ARFGEF3: variants seen among roughly 807,000 people sequenced by gnomAD.
ARFGEF3 encodes brefeldin A-inhibited guanine nucleotide-exchange protein 3.
In ARFGEF3, 96 loss-of-function variants were observed where a neutral mutation model predicts 221.7. The ratio of observed to expected loss-of-function variants is 0.43; its 90% confidence interval spans 0.37 to 0.51. The LOEUF (loss-of-function observed/expected upper bound fraction) is 0.51. Ranked by LOEUF, ARFGEF3 falls within the 20% of genes least tolerant of loss-of-function variation. ARFGEF3 has a pLI of 0.00. For synonymous variants in ARFGEF3, 1,145 were observed against 1,126.8 expected, an observed-to-expected ratio of 1.02 and a Z score of -0.32; for missense variants, 2,410 against 2,789.9, an observed-to-expected ratio of 0.86 and a Z score of 3.07.
At chr6:138,275,597 A>C (rs1779082163) in intron 12 of ARFGEF3, among the ~76,000 whole-genome samples, 1 of 152,020 alleles carries the variant, frequency 6.6e-6, no homozygotes, top group South Asian at 2.1e-4. Flanking sequence ...TACAAAAATT[A>C]GCTGCATGTG....
At chr6:138,328,445 T>G (rs1272104632) in intron 32 of ARFGEF3, among the ~76,000 whole-genome samples, 1 of 152,184 alleles carries the variant, frequency 6.6e-6, no homozygotes, top group Admixed American at 6.5e-5. Flanking sequence ...GAGGTCTATC[T>G]CCTTGACCTG....
chr6:138,339,526 A>G lies in ARFGEF3; in HGVS notation c.*3040A>G, dbSNP rs1014770906. On this transcript the variant is annotated 3_prime_UTR_variant, in exon 34 of 34. Coordinates refer to ENST00000251691, the MANE Select transcript of ARFGEF3 (RefSeq NM_020340.5). The stretch of plus-strand genomic sequence containing the variant: ...GTTGCCTGTATTTATAGCCAAAAGT[A>G]TATTACCTTAAAGTTGAGATCTTTC... 2.0e-5 allele frequency: 3 copies of G among 152,248 alleles called. No individual in the cohort carries two copies. Among genetic ancestry groups the G allele is most frequent in the Admixed American group, 1.3e-4 (2 of 15,284 alleles). 9.4% of individuals were successfully genotyped at this position (152,248 alleles called of 1,614,324 possible). A position where few individuals can be genotyped will look rare whatever the true frequency, so the allele number is the denominator to read the frequency against.
chr6:138,216,896 G>C (rs1193826840), intron 4 of ARFGEF3: 1 of 152,168 alleles, frequency 6.6e-6, no homozygotes, highest in Non-Finnish European at 1.5e-5. Flanking sequence ...CTAAGTAAAT[G>C]GTTCTCAAAC....
At chr6:138,327,250 C>T (rs1780141622) in intron 31 of ARFGEF3, among the ~76,000 whole-genome samples, 1 of 151,944 alleles carries the variant, frequency 6.6e-6, no homozygotes. Context: ...CACATGGACC[C>T]CAAACTTAAA....
chr6:138,274,795 CAAA>C (rs11427921), intron 12 of ARFGEF3, among the ~76,000 whole-genome samples: 2 of 111,538 alleles, frequency 1.8e-5, no homozygotes, highest in East Asian at 2.5e-4. Flanking sequence ...AACTCCGTCT[CAAA>C]AAAAAAAAAA....
At position 138,253,314 on chromosome 6, in the gene ARFGEF3, T is replaced by TAA. The variant is rs35531265; in HGVS notation, c.666-555_666-554dup. On this transcript the variant is annotated intron_variant, in intron 8 of 33. Coordinates refer to ENST00000251691, the MANE Select transcript of ARFGEF3 (RefSeq NM_020340.5). ...GCTCTAAAAAGTAAAGTTTATTAGTTAAAAAAAAAAAATCACCCCAACTGT... is the reference window on the plus strand; with the variant it reads ...GCTCTAAAAAGTAAAGTTTATTAGTTAAAAAAAAAAAAAATCACCCCAACTGT... Among the ~76,000 whole-genome samples the TAA allele has an allele frequency of 1.5e-3, 219 of 147,198 alleles. 1 individual carries two copies. Among genetic ancestry groups the TAA allele is most frequent in the Middle Eastern group, 0.01 (3 of 288 alleles).
Position 138,291,588 on chromosome 6 carries a change from G to A in ARFGEF3, c.3048-145G>A. ...CTGTGTGACATGAGAACACAGGAGG[G>A]AAGGACTGACTGTCATCACAGGAAA... On this transcript the variant is annotated intron_variant, in intron 18 of 33. Coordinates refer to ENST00000251691, the MANE Select transcript of ARFGEF3 (RefSeq NM_020340.5). This position sits in a 1 kb window ranked among gnomAD's most constrained non-coding sequence, Gnocchi z 4.5. 2.2e-6 allele frequency: 1 copy of A among 455,702 alleles called. No homozygotes were observed. The allele number at this position is 455,702 out of a possible 1,614,324, so 28.2% of individuals were successfully genotyped here.
chr6:138,224,737 G>GGT (rs372793917), intron 4 of ARFGEF3, among the ~76,000 whole-genome samples: 282 of 152,006 alleles, frequency 1.9e-3, no homozygotes, highest in African/African-American at 6.3e-3. Flanking sequence ...GAAATCCAAT[G>GGT]GTGTGTGTGT....
intron 22 of ARFGEF3, among the ~76,000 whole-genome samples, chr6:138,301,953 T>C (rs528348707): frequency 2.0e-5 from 3 of 152,244 alleles, no homozygotes; most frequent in South Asian, 4.2e-4. Flanking sequence ...ACAGATTCCA[T>C]AGACTTAGTC....
chr6:138,324,083 C>T lies in ARFGEF3; in HGVS notation c.4930C>T (p.Arg1644Ter), dbSNP rs1780085744. 6.2e-7 allele frequency: 1 copy of T among 1,613,866 alleles called. No homozygotes were observed. Among genetic ancestry groups the T allele is most frequent in the Non-Finnish European group, 8.5e-7 (1 of 1,179,886 alleles). The change falls in exon 31 of 34, where the codon CGA (arginine) becomes TGA (stop). Residue 1644 changes from arginine (R) to a stop codon, truncating the protein, a stop_gained. Transcript: ENST00000251691. LOFTEE classifies it high-confidence loss of function. ...CTTCAGCGGGGAAGGCTGCCAGGTGCGAGTGGCGGCCCCGTCCTCCTCCCC... is the reference window on the plus strand; with the variant it reads ...CTTCAGCGGGGAAGGCTGCCAGGTGTGAGTGGCGGCCCCGTCCTCCTCCCC... ...ESFSGEGCQVRVAAPSSSPSA... is the reference protein window; with the variant it reads ...ESFSGEGCQV
intron 13 of ARFGEF3, 130 bp downstream of exon 13, chr6:138,278,747 C>T: frequency 2.2e-6 from 2 of 914,418 alleles, no homozygotes; most frequent in Non-Finnish European, 3.3e-6. Flanking sequence ...TTGGTAATGC[C>T]AGTGGGACTT....
chr6:138,265,117 A>G (rs909081098), intron 12 of ARFGEF3, among the ~76,000 whole-genome samples: 3 of 152,152 alleles, frequency 2.0e-5, no homozygotes, highest in South Asian at 4.2e-4. Context: ...GTTAGCCAGG[A>G]TGGTCTCGAT....
intron 10 of ARFGEF3, among the ~76,000 whole-genome samples, chr6:138,257,158 G>A (rs1231156841): frequency 6.6e-6 from 1 of 152,176 alleles, no homozygotes; most frequent in East Asian, 1.9e-4. Flanking sequence ...CCAGCTTTAA[G>A]AATTGATCTT....
chr6:138,310,693 T>C (rs1330172536), intron 24 of ARFGEF3, among the ~76,000 whole-genome samples: 1 of 152,226 alleles, frequency 6.6e-6, no homozygotes, highest in African/African-American at 2.4e-5. Flanking sequence ...CATGAAATGA[T>C]TTGATTAAAT....
Position 138,334,927 on chromosome 6 carries a change from C to G in ARFGEF3, c.6081C>G (p.Thr2027=). The change falls in exon 33 of 34, where the codon ACC becomes ACG. Residue 2027 remains threonine (T), a synonymous_variant. Transcript: ENST00000251691. The surrounding 1 kb of genome is among the most constrained non-coding windows in gnomAD (Gnocchi z 5.1). ...AADKTISKLM[T]EYKKRKQQHN... is the part of the protein sequence containing the mutation. ...ACAAGACCATTTCAAAGTTGATGAC[C>G]GAATACAAAAAGAGGAAACAGCAGC... 6.3e-7 allele frequency: 1 copy of G among 1,589,680 alleles called. No homozygotes were observed. The highest frequency in any genetic ancestry group is 8.6e-7 in the Non-Finnish European group (1 of 1,168,706).
intron 29 of ARFGEF3, among the ~76,000 whole-genome samples, chr6:138,322,763 C>T (rs1780054773): frequency 6.7e-6 from 1 of 150,052 alleles, no homozygotes; most frequent in South Asian, 2.1e-4. Context: ...CCACTGCACT[C>T]CAGCCTGGGC....
intron 5 of ARFGEF3, 117 bp downstream of exon 5, chr6:138,229,969 G>T: frequency 1.2e-6 from 1 of 847,256 alleles, no homozygotes; most frequent in Non-Finnish European, 1.9e-6. Flanking sequence ...GATTACTACC[G>T]TGGGGAATTT....
chr6:138,257,834 A>G (rs192739914), intron 10 of ARFGEF3, among the ~76,000 whole-genome samples: 5 of 152,326 alleles, frequency 3.3e-5, no homozygotes, highest in Admixed American at 1.3e-4. Flanking sequence ...TCATCTGTAC[A>G]TTGTTATAAT....
chr6:138,271,159 T>C (rs2114605221), intron 12 of ARFGEF3, among the ~76,000 whole-genome samples: 1 of 152,284 alleles, frequency 6.6e-6, no homozygotes, highest in East Asian at 1.9e-4. Flanking sequence ...CAAAATCCTC[T>C]ACCAACACCT....
Sources: gnomAD v4.1 joint callset for allele counts (sites outside exome capture counted in the v4.1 genomes callset) on GRCh38, gnomAD v4.1.1 for gene constraint, Gnocchi (gnomAD v3.1) non-coding constraint, MANE v1.5 for transcripts, NCBI Gene and HGNC (gene_info 2026-07-23, HGNC 2026-07-21) for gene names.